MPC2: variants seen among roughly 807,000 people sequenced by gnomAD.
MPC2 encodes the protein brain protein 44.
A neutral mutation model predicts 19.2 loss-of-function variants in MPC2; 19 were observed. The observed-to-expected ratio is 0.99, with a 90% CI of 0.69 to 1.45. The LOEUF is 1.45. Among genes scored for constraint, MPC2 ranks in the 40% most tolerant of loss-of-function variants. MPC2 has a pLI of 0.00. For synonymous variants in MPC2, 61 were observed against 54.3 expected (o/e 1.12, Z -0.54); for missense variants, 122 against 153.0 (o/e 0.80, Z 1.07).
At chr1:167,923,826 G>A (rs1024245444) in intron 3 of MPC2, among the ~76,000 whole-genome samples, 15 of 152,140 alleles carry the variant, frequency 9.9e-5, no homozygotes, top group Non-Finnish European at 2.2e-4. Flanking sequence ...TAGTAGGTCT[G>A]TGATGGGGCC....
intron 2 of MPC2, among the ~76,000 whole-genome samples, chr1:167,925,442 CATAT>C (rs369657697): frequency 0.095 from 7,831 of 82,440 alleles, 385 homozygotes; most frequent in Middle Eastern, 0.15. Flanking sequence ...TACATATACA[CATAT>C]ATATATATAT....
At chr1:167,931,720 T>C (rs559978177) in intron 2 of MPC2, among the ~76,000 whole-genome samples, 3 of 152,242 alleles carry the variant, frequency 2.0e-5, no homozygotes, top group African/African-American at 7.2e-5. Flanking sequence ...TTACATATAA[T>C]AGAACAATAT....
At chr1:167,918,889 G>A (rs559980561) in intron 5 of MPC2, among the ~76,000 whole-genome samples, 10 of 151,940 alleles carry the variant, frequency 6.6e-5, no homozygotes, top group East Asian at 1.9e-4. Context: ...CACCATGCCC[G>A]GCCTGCCAAA....
intron 2 of MPC2, among the ~76,000 whole-genome samples, chr1:167,935,041 T>C (rs776065626): frequency 3.9e-5 from 6 of 152,204 alleles, no homozygotes; most frequent in Non-Finnish European, 7.3e-5. Flanking sequence ...GTCATTCTCA[T>C]AGACCGCGTA....
intron 2 of MPC2, among the ~76,000 whole-genome samples, chr1:167,926,221 G>A (rs1670752873): frequency 6.6e-6 from 1 of 152,194 alleles, no homozygotes; most frequent in African/African-American, 2.4e-5. Context: ...TCTAAAAACA[G>A]TGCTGAAACA....
At chr1:167,926,829 G>A (rs1670771595) in intron 2 of MPC2, among the ~76,000 whole-genome samples, 1 of 152,036 alleles carries the variant, frequency 6.6e-6, no homozygotes, top group Admixed American at 6.5e-5. Context: ...TCAATATCCT[G>A]CTTAGTCTTT....
intron 2 of MPC2, among the ~76,000 whole-genome samples, chr1:167,925,828 T>C (rs1048431082): frequency 1.3e-5 from 2 of 152,170 alleles, no homozygotes; most frequent in African/African-American, 4.8e-5. Flanking sequence ...ATTACAGGCG[T>C]GAGCCACCGT....
At chr1:167,925,120 A>G (rs1236432153) in intron 2 of MPC2, among the ~76,000 whole-genome samples, 1 of 152,096 alleles carries the variant, frequency 6.6e-6, no homozygotes, top group African/African-American at 2.4e-5. Flanking sequence ...AATTTAACAT[A>G]GTCCTTGATA....
intron 1 of MPC2, 196 bp from the exon 2 acceptor site, chr1:167,936,094 G>A (rs1334791928): frequency 1.1e-5 from 6 of 559,370 alleles, no homozygotes; most frequent in African/African-American, 3.8e-5. Flanking sequence ...CAGGAGAGAG[G>A]GAGGAGCCAT....
At position 167,934,604 on chromosome 1, in the gene MPC2, C is replaced by T. The variant is rs544842936; in HGVS notation, c.109+1129G>A. Reference sequence around the variant, plus strand: ...ATGTTCAATTCATTCCATTATCAAACTGGAAATCAGATTTAGTAACCAGTT... The same window carrying T: ...ATGTTCAATTCATTCCATTATCAAATTGGAAATCAGATTTAGTAACCAGTT... On this transcript the variant is annotated intron_variant, in intron 2 of 5. Transcript: ENST00000271373. 7.2e-5 allele frequency among the ~76,000 whole-genome samples: 11 copies of T among 152,304 alleles called. No homozygotes were observed. The South Asian group carries it at 8.3e-4, about 11-fold the overall frequency.
chr1:167,936,088 A>C (rs1671173184), intron 1 of MPC2, 190 bp from the exon 2 acceptor site: 14 of 568,282 alleles, frequency 2.5e-5, no homozygotes, highest in Non-Finnish European at 3.2e-5. Flanking sequence ...CCCCGGCAGG[A>C]GAGAGGGAGG....
At chr1:167,919,469 C>G (rs577332497) in intron 5 of MPC2, among the ~76,000 whole-genome samples, 1 of 152,250 alleles carries the variant, frequency 6.6e-6, no homozygotes, top group East Asian at 1.9e-4. Flanking sequence ...ATATTAACTA[C>G]TGAGTAAATA....
intron 2 of MPC2, among the ~76,000 whole-genome samples, chr1:167,931,317 C>A (rs990159524): frequency 6.6e-6 from 1 of 152,136 alleles, no homozygotes; most frequent in South Asian, 2.1e-4. Context: ...ATCCTGAGTG[C>A]CAGAACAGTG....
chr1:167,934,353 T>A (rs538809495), intron 2 of MPC2, among the ~76,000 whole-genome samples: 1 of 152,210 alleles, frequency 6.6e-6, no homozygotes, highest in Non-Finnish European at 1.5e-5. Flanking sequence ...TCACATTCAG[T>A]TGACTCTGTA....
chr1:167,933,094 C>T (rs1285199889), intron 2 of MPC2, among the ~76,000 whole-genome samples: 1 of 151,904 alleles, frequency 6.6e-6, no homozygotes, highest in East Asian at 1.9e-4. Flanking sequence ...ATAATGAGAG[C>T]CTCAAAATTC....
chr1:167,925,480 T>TATATATATATAC (rs1287063918), intron 2 of MPC2, among the ~76,000 whole-genome samples: 2 of 134,898 alleles, frequency 1.5e-5, no homozygotes, highest in African/African-American at 5.6e-5. Context: ...TATATACATA[T>TATATATATATAC]ACATATACAC....
chr1:167,932,523 A>T (rs1670938472), intron 2 of MPC2, among the ~76,000 whole-genome samples: 1 of 152,100 alleles, frequency 6.6e-6, no homozygotes, highest in African/African-American at 2.4e-5. Flanking sequence ...TTAAGAAAAC[A>T]TTGGGCCGGG....
chr1:167,925,442 C>CATATAT (rs369657697), intron 2 of MPC2, among the ~76,000 whole-genome samples: 4,649 of 82,060 alleles, frequency 0.057, 164 homozygotes, highest in Non-Finnish European at 0.073. Context: ...TACATATACA[C>CATATAT]ATATATATAT....
Position 167,917,272 on chromosome 1 carries a change from G to A in MPC2, c.*1051C>T, listed in dbSNP as rs1452242553. 2.6e-5 allele frequency: 4 copies of A among 152,152 alleles called. No individual in the cohort carries two copies. The East Asian group carries it at 7.7e-4, about 29-fold the overall frequency. 9.4% of individuals were successfully genotyped at this position (152,152 alleles called of 1,614,324 possible). ...TTACAGAAAACCTACTTATGTCCCA[G>A]GTACTCTGCTAGGTACTTTCCTAAC... On this transcript the variant is annotated 3_prime_UTR_variant, in exon 6 of 6. Coordinates refer to ENST00000271373, the MANE Select transcript of MPC2 (RefSeq NM_001143674.4).
Sources: gnomAD v4.1 joint callset for allele counts (sites outside exome capture counted in the v4.1 genomes callset) on GRCh38, gnomAD v4.1.1 for gene constraint, MANE v1.5 for transcripts, NCBI Gene and HGNC (gene_info 2026-07-23, HGNC 2026-07-21) for gene names.